The following TSC22D3 variants were observed in gnomAD, a reference collection of about 807,000 sequenced individuals.
TSC22D3 encodes the protein TSC22 domain family protein 3.
A neutral mutation model predicts 11.1 loss-of-function variants in TSC22D3; 4 were observed. The ratio of observed to expected loss-of-function variants is 0.36; its 90% CI spans 0.18 to 0.83. The LOEUF (loss-of-function observed/expected upper bound fraction) is 0.83. Ranked by LOEUF, TSC22D3 falls within the 40% of genes least tolerant of loss-of-function variation. TSC22D3 has a pLI of 0.48. For missense variants in TSC22D3, 118 were observed against 159.4 expected (o/e 0.74, Z 1.40); for synonymous variants, 77 against 70.3 (o/e 1.10, Z -0.48).
intron 1 of TSC22D3, among the ~76,000 whole-genome samples, chrX:107,752,921 G>T (rs1929000516): frequency 9.0e-6 from 1 of 111,692 alleles, no homozygotes; most frequent in South Asian, 3.8e-4. Context: ...AAGACAGCAA[G>T]AATTAAGTCT....
chrX:107,743,416 T>G (rs1451412689), intron 1 of TSC22D3, among the ~76,000 whole-genome samples: 1 of 111,621 alleles, frequency 9.0e-6, no homozygotes, highest in Non-Finnish European at 1.9e-5. Context: ...GGAAGAGACT[T>G]TTGCTGGCTA....
At chrX:107,716,048 CCT>C (rs1349883951) in intron 1 of TSC22D3, 98 bp from the exon 2 acceptor site, 61 of 941,321 alleles carry the variant, frequency 6.5e-5, no homozygotes, top group Non-Finnish European at 8.3e-5. Context: ...CTCGGCTCTT[CCT>C]CTCTCTCTCC....
chrX:107,714,151 G>A lies in TSC22D3; in HGVS notation c.*368C>T. On this transcript the variant is annotated 3_prime_UTR_variant, in exon 3 of 3. Coordinates refer to ENST00000372383, the MANE Select transcript of TSC22D3 (RefSeq NM_198057.3). ...AGGTGAAGCTGTTGAAGATGTCCATGGAGATGAGAAACAGACCCCTTAAAC... is the reference window on the plus strand; with the variant it reads ...AGGTGAAGCTGTTGAAGATGTCCATAGAGATGAGAAACAGACCCCTTAAAC... 6.5e-6 allele frequency: 1 copy of A among 154,475 alleles called. No individual in the cohort carries two copies. The highest frequency in any genetic ancestry group is 1.3e-5 in the Non-Finnish European group (1 of 79,253). 12.7% of individuals were successfully genotyped at this position (154,475 alleles called of 1,213,427 possible).
intron 1 of TSC22D3, among the ~76,000 whole-genome samples, chrX:107,723,460 T>C (rs1180677506): frequency 7.1e-5 from 8 of 112,645 alleles, no homozygotes; most frequent in Non-Finnish European, 1.3e-4. Context: ...TTATCCCACC[T>C]CTTTCAGAGG....
intron 1 of TSC22D3, among the ~76,000 whole-genome samples, chrX:107,743,592 TG>T (rs1928523567): frequency 8.9e-6 from 1 of 112,348 alleles, no homozygotes; most frequent in African/African-American, 3.2e-5. Context: ...ATGGCCAGGA[TG>T]CTTGTGTGGT....
intron 1 of TSC22D3, among the ~76,000 whole-genome samples, chrX:107,743,179 A>T (rs1267532220): frequency 3.6e-5 from 4 of 112,636 alleles, no homozygotes; most frequent in African/African-American, 1.3e-4. Context: ...CGAAGAAGAA[A>T]AGGCGGCACA....
intron 1 of TSC22D3, chrX:107,722,293 A>C (rs1037401372): frequency 7.6e-6 from 1 of 130,733 alleles, no homozygotes; most frequent in Non-Finnish European, 1.6e-5. Context: ...AAACTCTGGC[A>C]CAGAATGATG....
chrX:107,762,846 CTTTTTT>C (rs1170456785), intron 1 of TSC22D3, among the ~76,000 whole-genome samples: 492 of 44,717 alleles, frequency 0.011, 5 homozygotes, highest in African/African-American at 0.039. Flanking sequence ...TGCACATGTA[CTTTTTT>C]TTTTTTTTTT....
At chrX:107,774,951 C>CGGTT in intron 1 of TSC22D3, 149 bp downstream of exon 1, 6 of 638,908 alleles carry the variant, frequency 9.4e-6, no homozygotes. Flanking sequence ...GTACTCCAGG[C>CGGTT]AACCTCAAGG....
At chrX:107,725,858 A>T (rs959318726) in intron 1 of TSC22D3, among the ~76,000 whole-genome samples, 2 of 110,929 alleles carry the variant, frequency 1.8e-5, no homozygotes, top group African/African-American at 6.6e-5. Flanking sequence ...AGCATAGAGA[A>T]GGGGAAGGGA....
At chrX:107,729,962 A>C (rs1213971299) in intron 1 of TSC22D3, among the ~76,000 whole-genome samples, 2 of 112,430 alleles carry the variant, frequency 1.8e-5, no homozygotes, top group Non-Finnish European at 3.8e-5. Flanking sequence ...GAAAATTTTA[A>C]CTTAACAAGA....
chrX:107,716,385 G>A (rs1927030366), intron 1 of TSC22D3: 3 of 927,485 alleles, frequency 3.2e-6, no homozygotes, highest in East Asian at 1.1e-4. Flanking sequence ...GCGGCGCACG[G>A]CGCTCGGCCA....
At chrX:107,736,214 A>G (rs1395543811) in intron 1 of TSC22D3, among the ~76,000 whole-genome samples, 1 of 111,938 alleles carries the variant, frequency 8.9e-6, no homozygotes, top group Non-Finnish European at 1.9e-5. Context: ...CCAACAACAA[A>G]GCAGCCTGAG....
rs769087714 is a variant in TSC22D3 at position 107,742,867 on chromosome X, T to A, written c.321-26917A>T. ...CTGGGATCAGTATGGGCTCTTCACA[T>A]CATCCGCGAGAGATCCCTGCTCCTC... On this transcript the variant is annotated intron_variant, in intron 1 of 2. Transcript: ENST00000372383. 7.6e-4 allele frequency among the ~76,000 whole-genome samples: 85 copies of A among 111,595 alleles called. 1 individual carries two copies. Among genetic ancestry groups the A allele is most frequent in the Admixed American group, 1.6e-3 (17 of 10,678 alleles).
chrX:107,715,120 G>C (rs1474384947), intron 2 of TSC22D3, among the ~76,000 whole-genome samples: 1 of 111,852 alleles, frequency 8.9e-6, no homozygotes, highest in South Asian at 3.7e-4. Flanking sequence ...TACTGCTGCC[G>C]ATCCAGATCT....
Position 107,775,237 on chromosome X carries a change from A to T in TSC22D3, c.183T>A (p.Asn61Lys), listed in dbSNP as rs766700479. Residue 61 changes from asparagine (N) to lysine (K), a missense_variant, in exon 1 of 3, where the codon AAT becomes AAA. Transcript: ENST00000372383. The part of the protein sequence containing the change: ...LQEKLVFENL[N>K]TDKLNSIMRQ... ...GCATTATGCTGTTGAGCTTGTCGGT[A>T]TTGAGGTTCTCAAAGACCAGCTTTT... is the stretch of plus-strand genomic sequence containing the variant. 1 of 1,211,932 alleles carries T rather than the reference A, an allele frequency of 8.3e-7. No individual in the cohort carries two copies. Among genetic ancestry groups the T allele is most frequent in the Non-Finnish European group, 1.1e-6 (1 of 895,568 alleles).
chrX:107,723,693 C>A (rs190660947), intron 1 of TSC22D3, among the ~76,000 whole-genome samples: 79 of 113,113 alleles, frequency 7.0e-4, no homozygotes, highest in African/African-American at 2.2e-3. Context: ...CAAGGCCTCT[C>A]TCCATCCACT....
intron 1 of TSC22D3, among the ~76,000 whole-genome samples, chrX:107,717,672 T>C (rs977219201): frequency 8.9e-6 from 1 of 112,465 alleles, no homozygotes; most frequent in African/African-American, 3.2e-5. Flanking sequence ...ATCTGTGACA[T>C]GCATGTAATG....
chrX:107,775,035 A>G, intron 1 of TSC22D3, 65 bp downstream of exon 1: 5 of 1,142,532 alleles, frequency 4.4e-6, no homozygotes, highest in Non-Finnish European at 5.9e-6. Context: ...TTTGCCAGAG[A>G]TGAGGGTGCA....
Sources: allele counts gnomAD v4.1 joint callset (sites outside exome capture counted in the v4.1 genomes callset), GRCh38; gene constraint gnomAD v4.1.1; transcripts MANE v1.5; gene names NCBI Gene and HGNC (gene_info 2026-07-23, HGNC 2026-07-21).